The following PCDH15 variants were observed in gnomAD, a reference collection of about 807,000 sequenced individuals.
PCDH15 encodes protocadherin related 15, also known as protocadherin-15.
Under a neutral mutation model 178.5 loss-of-function variants are expected in PCDH15, and 129 were observed. That is an observed-to-expected ratio of 0.72 (90% CI 0.63 to 0.84). PCDH15 has a LOEUF of 0.84. Ranked by LOEUF, PCDH15 falls within the 40% of genes least tolerant of loss-of-function variation. The pLI, the probability that PCDH15 is intolerant of heterozygous loss-of-function variation, is 0.00. For missense variants in PCDH15, 2,230 were observed against 2,099.9 expected, an observed-to-expected ratio of 1.06 and a Z score of -1.21; for synonymous variants, 800 against 732.0, an observed-to-expected ratio of 1.09 and a Z score of -1.50.
At chr10:55,045,136 G>A (rs1323681298) in intron 2 of PCDH15, among the ~76,000 whole-genome samples, 1 of 151,878 alleles carries the variant, frequency 6.6e-6, no homozygotes, top group Non-Finnish European at 1.5e-5. Context: ...TAAACTCTCT[G>A]ATAAAATTAT....
chr10:54,784,427 C>A (rs554450587), intron 1 of PCDH15, among the ~76,000 whole-genome samples: 1 of 149,980 alleles, frequency 6.7e-6, no homozygotes, highest in East Asian at 2.0e-4. Flanking sequence ...ATGTAACAAG[C>A]CAGGAATAAT....
chr10:53,892,861 T>G (rs192460342), intron 26 of PCDH15, among the ~76,000 whole-genome samples: 18 of 152,288 alleles, frequency 1.2e-4, no homozygotes, highest in Admixed American at 1.2e-3. Flanking sequence ...CAGAATACAG[T>G]GTAGAAACAG....
intron 1 of PCDH15, among the ~76,000 whole-genome samples, chr10:54,789,455 C>T (rs1007130490): frequency 1.9e-4 from 29 of 151,686 alleles, no homozygotes; most frequent in African/African-American, 6.0e-4. Flanking sequence ...GTGCTTTAAG[C>T]AAAAGACAGA....
At chr10:54,693,818 C>T (rs1391755189) in intron 1 of PCDH15, among the ~76,000 whole-genome samples, 5 of 152,126 alleles carry the variant, frequency 3.3e-5, no homozygotes, top group African/African-American at 1.2e-4. Context: ...AATTCTCACA[C>T]TTCAGTGATT....
intron 17 of PCDH15, among the ~76,000 whole-genome samples, chr10:54,068,232 G>A (rs11004032): frequency 0.21 from 32,053 of 151,944 alleles, 3,585 homozygotes; most frequent in Non-Finnish European, 0.25. Context: ...CATGCACAGT[G>A]TTCAGTAGTC....
At chr10:55,124,850 A>G (rs1212699501) in intron 2 of PCDH15, among the ~76,000 whole-genome samples, 3 of 152,088 alleles carry the variant, frequency 2.0e-5, no homozygotes, top group African/African-American at 7.2e-5. Context: ...TGTAAAAACT[A>G]AGATCTAGAG....
chr10:55,081,153 C>G (rs1167019814), intron 2 of PCDH15, among the ~76,000 whole-genome samples: 1 of 152,130 alleles, frequency 6.6e-6, no homozygotes, highest in Non-Finnish European at 1.5e-5. Flanking sequence ...AGGCTCCCAG[C>G]TGATCTCAGC....
At chr10:53,891,733 GC>G (rs2081565603) in intron 26 of PCDH15, among the ~76,000 whole-genome samples, 1 of 151,830 alleles carries the variant, frequency 6.6e-6, no homozygotes, top group African/African-American at 2.4e-5. Context: ...TAGGCAGACT[GC>G]CTGAGGTCAG....
At chr10:54,150,433 CTT>C (rs551084942) in intron 14 of PCDH15, among the ~76,000 whole-genome samples, 1 of 147,782 alleles carries the variant, frequency 6.8e-6, no homozygotes, top group East Asian at 2.0e-4. Context: ...TTGAGACTTC[CTT>C]TTTTTTTTGA....
intron 2 of PCDH15, among the ~76,000 whole-genome samples, chr10:55,449,175 C>G (rs1256199047): frequency 6.6e-6 from 1 of 151,998 alleles, no homozygotes; most frequent in Non-Finnish European, 1.5e-5. Flanking sequence ...TGTCACCAAT[C>G]ACCTCATTCT....
chr10:54,148,350 T>C (rs1327006271), intron 14 of PCDH15, among the ~76,000 whole-genome samples: 1 of 152,074 alleles, frequency 6.6e-6, no homozygotes, highest in East Asian at 1.9e-4. Flanking sequence ...AAGGCCCTGA[T>C]AGAAAATGAG....
intron 2 of PCDH15, among the ~76,000 whole-genome samples, chr10:54,613,493 T>TCACACACACACACACA (rs1164192874): frequency 2.0e-4 from 29 of 144,174 alleles, no homozygotes; most frequent in African/African-American, 7.5e-4. Context: ...TGTCTCTCTC[T>TCACACACACACACACA]CACACACACA....
At chr10:55,351,934 A>G (rs1844947079) in intron 2 of PCDH15, among the ~76,000 whole-genome samples, 1 of 152,156 alleles carries the variant, frequency 6.6e-6, no homozygotes, top group Non-Finnish European at 1.5e-5. Context: ...AAGTACAATA[A>G]TACTAATAAA....
chr10:54,128,311 T>C (rs903699304), intron 15 of PCDH15, among the ~76,000 whole-genome samples: 4 of 152,172 alleles, frequency 2.6e-5, no homozygotes, highest in African/African-American at 9.7e-5. Context: ...ATTTTATTTA[T>C]AATTAGAAGC....
intron 2 of PCDH15, among the ~76,000 whole-genome samples, chr10:54,936,021 A>T (rs961297359): frequency 6.6e-6 from 1 of 152,042 alleles, no homozygotes; most frequent in Admixed American, 6.6e-5. Flanking sequence ...GAAATACCAT[A>T]CCCATCAATT....
chr10:54,789,731 T>C (rs76846943), intron 1 of PCDH15, among the ~76,000 whole-genome samples: 6,691 of 151,982 alleles, frequency 0.044, 425 homozygotes, highest in African/African-American at 0.15. Flanking sequence ...TTTAAGATTT[T>C]AGATTGACCA....
At chr10:54,967,264 C>T (rs1318658278) in intron 2 of PCDH15, among the ~76,000 whole-genome samples, 1 of 152,122 alleles carries the variant, frequency 6.6e-6, no homozygotes, top group Non-Finnish European at 1.5e-5. Flanking sequence ...TGAAACATTA[C>T]ATTATGCATA....
chr10:55,591,409 T>C (rs1842840406), intron 2 of PCDH15, among the ~76,000 whole-genome samples: 1 of 152,034 alleles, frequency 6.6e-6, no homozygotes, highest in African/African-American at 2.4e-5. Flanking sequence ...CACTCCAGCC[T>C]GGGTAACGGA....
At chr10:55,205,443 A>C (rs1424146176) in intron 1 of PCDH15, among the ~76,000 whole-genome samples, 1 of 152,006 alleles carries the variant, frequency 6.6e-6, no homozygotes, top group Non-Finnish European at 1.5e-5. Flanking sequence ...ATCTAATAGG[A>C]GATCTAATAT....
Sources: gnomAD v4.1 joint callset for allele counts (sites outside exome capture counted in the v4.1 genomes callset) on GRCh38, gnomAD v4.1.1 for gene constraint, MANE v1.5 for transcripts, NCBI Gene and HGNC (gene_info 2026-07-23, HGNC 2026-07-21) for gene names.